LIX1: variants seen among roughly 807,000 people sequenced by gnomAD.
LIX1 encodes the protein limb and CNS expressed 1.
LIX1 carries 24 observed loss-of-function variants against 33.4 expected under a neutral mutation model. The ratio of observed to expected loss-of-function variants is 0.72; its 90% CI spans 0.52 to 1.01. LIX1 has a LOEUF of 1.01. Among genes scored for constraint, LIX1 ranks in the 50% least tolerant of loss-of-function variants. The pLI, the probability that LIX1 is intolerant of heterozygous loss-of-function variation, is 0.00. For missense variants in LIX1, 311 were observed against 339.2 expected (o/e 0.92, Z 0.65); for synonymous variants, 124 against 124.0 (o/e 1.00, Z 0.00).
chr5:97,142,397 G>A (rs535124139), intron 1 of LIX1, 98 bp downstream of exon 1: 4 of 806,308 alleles, frequency 5.0e-6, no homozygotes, highest in African/African-American at 3.4e-5. Context: ...GCATACGACT[G>A]CAGAGATTTA....
rs548510460 is a variant in LIX1 at position 97,124,425 on chromosome 5, C to T, written c.246+41G>A. The T allele has an allele frequency of 3.0e-5, 46 of 1,536,634 alleles. No homozygotes were observed. The South Asian group carries it at 5.0e-4, about 17-fold the overall frequency. On this transcript the variant is annotated intron_variant, in intron 2 of 5. Coordinates refer to ENST00000274382, the MANE Select transcript of LIX1 (RefSeq NM_153234.5). ...TACAAAAAGGTTTACTTTATTTTAG[C>T]CCAATGAACTTTCACTGACAAATTA...
At chr5:97,106,838 TCTAATAG>T (rs1164888607) in intron 3 of LIX1, among the ~76,000 whole-genome samples, 1 of 152,230 alleles carries the variant, frequency 6.6e-6, no homozygotes, top group Non-Finnish European at 1.5e-5. Flanking sequence ...CCATGGTAAT[TCTAATAG>T]CTAACACATA....
chr5:97,104,483 A>G (rs988743036), intron 4 of LIX1, among the ~76,000 whole-genome samples: 19 of 152,180 alleles, frequency 1.2e-4, no homozygotes, highest in African/African-American at 4.3e-4. Context: ...CCTGAACCCT[A>G]GCTTCAATGA....
At chr5:97,106,315 C>T (rs1052436099) in intron 3 of LIX1, among the ~76,000 whole-genome samples, 2 of 152,176 alleles carry the variant, frequency 1.3e-5, no homozygotes, top group African/African-American at 4.8e-5. Flanking sequence ...AGATATAGAA[C>T]AGAACTCCCT....
intron 1 of LIX1, among the ~76,000 whole-genome samples, chr5:97,126,661 A>G (rs1747934036): frequency 7.9e-6 from 1 of 127,342 alleles, no homozygotes; most frequent in African/African-American, 3.1e-5. Context: ...TTTTTTTGAG[A>G]CAGAGTCTTG....
At chr5:97,107,079 G>C (rs1272928106) in intron 3 of LIX1, among the ~76,000 whole-genome samples, 1 of 152,092 alleles carries the variant, frequency 6.6e-6, no homozygotes, top group African/African-American at 2.4e-5. Flanking sequence ...TCCTCAATAA[G>C]TAAACATTCA....
At chr5:97,113,701 C>T (rs1165735181) in intron 2 of LIX1, among the ~76,000 whole-genome samples, 1 of 152,152 alleles carries the variant, frequency 6.6e-6, no homozygotes, top group Non-Finnish European at 1.5e-5. Context: ...TTTTGCTCTT[C>T]ACAGAAATGG....
At chr5:97,108,319 T>A (rs2112768148) in intron 2 of LIX1, among the ~76,000 whole-genome samples, 1 of 152,322 alleles carries the variant, frequency 6.6e-6, no homozygotes, top group African/African-American at 2.4e-5. Context: ...TTCTTGAAGT[T>A]AGGGCCATAG....
intron 1 of LIX1, among the ~76,000 whole-genome samples, chr5:97,135,523 TAA>T (rs1403952549): frequency 3.3e-5 from 5 of 152,160 alleles, no homozygotes; most frequent in African/African-American, 1.2e-4. Flanking sequence ...GCACTGTATT[TAA>T]AAGAGACTTT....
In LIX1 at chr5:97,111,650, T is replaced by C. The variant is rs113162923; in HGVS notation, c.247-4150A>G. On this transcript the variant is annotated intron_variant, in intron 2 of 5. Transcript: ENST00000274382. ...GAGAATTAGATTCAGATCCAGGCAC[T>C]CTTCAGAAACAACTTCTATCTAAAT... Among the ~76,000 whole-genome samples, 650 of 152,358 alleles carry C rather than the reference T, an allele frequency of 4.3e-3. 5 individuals carry two copies. The highest frequency in any genetic ancestry group is 0.014 in the Middle Eastern group (4 of 294).
intron 4 of LIX1, among the ~76,000 whole-genome samples, chr5:97,103,405 C>T (rs564467582): frequency 1.4e-4 from 21 of 152,184 alleles, no homozygotes; most frequent in Non-Finnish European, 2.5e-4. Flanking sequence ...CTCTTCTGGA[C>T]TCTACGCATA....
At chr5:97,095,847 A>G (rs181521665) in intron 5 of LIX1, among the ~76,000 whole-genome samples, 3 of 152,336 alleles carry the variant, frequency 2.0e-5, no homozygotes, top group East Asian at 3.9e-4. Flanking sequence ...AAAAACAATC[A>G]TGGAAAAGTG....
At chr5:97,138,967 T>A (rs1263020335) in intron 1 of LIX1, among the ~76,000 whole-genome samples, 1 of 152,150 alleles carries the variant, frequency 6.6e-6, no homozygotes, top group Non-Finnish European at 1.5e-5. Flanking sequence ...TAATCTGAAA[T>A]CTACAACACT....
rs571414659 is a variant in LIX1 at position 97,091,879 on chromosome 5, G to C, written c.*2869C>G. ...ATAGACAACCAAATTCTGAACATTA[G>C]AGGTACGACTTTATTAAATCTGTAC... On this transcript the variant is annotated 3_prime_UTR_variant, in exon 6 of 6. Transcript: ENST00000274382. The C allele has an allele frequency of 1.3e-5, 2 of 152,296 alleles. No homozygotes were observed. The highest frequency in any genetic ancestry group is 2.9e-5 in the Non-Finnish European group (2 of 68,028). 9.4% of individuals were successfully genotyped at this position (152,296 alleles called of 1,614,324 possible). A position where few individuals can be genotyped will look rare whatever the true frequency, so the allele number is the denominator to read the frequency against.
chr5:97,141,254 G>A (rs1050783119), intron 1 of LIX1, among the ~76,000 whole-genome samples: 1 of 152,068 alleles, frequency 6.6e-6, no homozygotes, highest in Admixed American at 6.5e-5. Flanking sequence ...TTCTATTGTA[G>A]GAGAGAGACA....
chr5:97,138,605 C>T (rs535710780), intron 1 of LIX1, among the ~76,000 whole-genome samples: 2 of 152,336 alleles, frequency 1.3e-5, no homozygotes, highest in Admixed American at 1.3e-4. Context: ...TCTGCCTCCC[C>T]CAGCACATGG....
chr5:97,097,245 T>C (rs1452320018), intron 4 of LIX1, among the ~76,000 whole-genome samples: 2 of 152,212 alleles, frequency 1.3e-5, no homozygotes, highest in African/African-American at 4.8e-5. Flanking sequence ...CATTGTATCA[T>C]TTTTTAAAAT....
At chr5:97,110,815 G>GT (rs535340914) in intron 2 of LIX1, among the ~76,000 whole-genome samples, 1,714 of 150,262 alleles carry the variant, frequency 0.011, 15 homozygotes, top group Non-Finnish European at 0.017. Flanking sequence ...GTGGAAAGTA[G>GT]TTTTTTTTTT....
intron 2 of LIX1, among the ~76,000 whole-genome samples, chr5:97,108,569 G>A (rs1215701564): frequency 1.3e-5 from 2 of 152,184 alleles, no homozygotes; most frequent in Non-Finnish European, 2.9e-5. Flanking sequence ...TGTCCCTGGA[G>A]CCCATACCTT....
Sources: allele counts gnomAD v4.1 joint callset (sites outside exome capture counted in the v4.1 genomes callset), GRCh38; gene constraint gnomAD v4.1.1; transcripts MANE v1.5; gene names NCBI Gene and HGNC (gene_info 2026-07-23, HGNC 2026-07-21).